The following TANGO6 variants were observed in gnomAD, a reference collection of about 807,000 sequenced individuals.
The protein encoded by TANGO6 is transport and Golgi organization protein 6 homolog.
In TANGO6, 90 loss-of-function variants were observed where a neutral mutation model predicts 114.2. The ratio of observed to expected loss-of-function variants is 0.79; its 90% CI spans 0.66 to 0.94. The LOEUF (loss-of-function observed/expected upper bound fraction) is 0.94, where lower values mean the gene tolerates loss of function less well. Ranked by LOEUF, TANGO6 falls within the 40% of genes least tolerant of loss-of-function variation. TANGO6 has a pLI of 0.00. For synonymous variants in TANGO6, 477 were observed against 509.8 expected, an observed-to-expected ratio of 0.94 and a Z score of 0.87; for missense variants, 1,274 against 1,315.3, an observed-to-expected ratio of 0.97 and a Z score of 0.49.
intron 10 of TANGO6, 135 bp downstream of exon 10, chr16:68,907,710 A>G (rs1233183565): frequency 8.1e-6 from 9 of 1,105,582 alleles, no homozygotes; most frequent in Middle Eastern, 2.5e-4. Flanking sequence ...AGAGGACATA[A>G]AGGAATTTAT....
intron 14 of TANGO6, among the ~76,000 whole-genome samples, chr16:68,964,208 C>T (rs1963621782): frequency 6.6e-6 from 1 of 151,720 alleles, no homozygotes; most frequent in Admixed American, 6.6e-5. Context: ...TGCTAGTTAC[C>T]CTGATCTGAT....
At chr16:69,007,301 GCT>G (rs1338937050) in intron 15 of TANGO6, 2 of 120,074 alleles carry the variant, frequency 1.7e-5, no homozygotes, top group Non-Finnish European at 3.2e-5. Context: ...ACTGAGTTTC[GCT>G]CTGTCACCCA....
intron 11 of TANGO6, among the ~76,000 whole-genome samples, chr16:68,913,221 A>G (rs976390836): frequency 1.3e-4 from 19 of 151,738 alleles, no homozygotes; most frequent in African/African-American, 4.6e-4. Context: ...ATGCACCACC[A>G]TGCCCAGCTA....
At chr16:68,961,196 G>T (rs957280575) in intron 14 of TANGO6, among the ~76,000 whole-genome samples, 6 of 152,198 alleles carry the variant, frequency 3.9e-5, no homozygotes, top group African/African-American at 1.4e-4. Flanking sequence ...TTGGAGTGAG[G>T]CTGACCTTAT....
chr16:68,969,281 T>C (rs1963679941), intron 14 of TANGO6, among the ~76,000 whole-genome samples: 1 of 152,112 alleles, frequency 6.6e-6, no homozygotes, highest in South Asian at 2.1e-4. Context: ...GATGGGCCCA[T>C]GGTCATGTGA....
chr16:68,902,651 A>T, intron 9 of TANGO6, 147 bp downstream of exon 9: 1 of 706,244 alleles, frequency 1.4e-6, no homozygotes, highest in East Asian at 3.0e-5. Context: ...CTCTAAATGA[A>T]ACGTGAGCCT....
chr16:68,919,118 G>A lies in TANGO6; in HGVS notation c.2026G>A (p.Ala676Thr). Residue 676 changes from alanine to threonine, a missense_variant, in exon 12 of 18, where the codon GCC becomes ACC. Ala to Thr is a moderately conservative substitution (Grantham distance 58). Around this residue, in one of 5 missense-constraint regions of TANGO6, gnomAD observed 908 missense variants for 910.2 expected, o/e 1.00. Transcript: ENST00000261778. ...CTTTGTAGCAGCAACATTGCAGAGA[G>A]CCTGTGCAAGCCTGGCCCATCAGGC... is the stretch of plus-strand genomic sequence containing the variant. ...VDFVAATLQR[A>T]CASLAHQAES... 1 of 1,613,188 alleles carries A rather than the reference G, an allele frequency of 6.2e-7. No homozygotes were observed. The highest frequency in any genetic ancestry group is 8.5e-7 in the Non-Finnish European group (1 of 1,179,624).
chr16:68,917,973 G>A (rs997693174), intron 11 of TANGO6, among the ~76,000 whole-genome samples: 2 of 150,006 alleles, frequency 1.3e-5, no homozygotes, highest in Non-Finnish European at 3.0e-5. Flanking sequence ...AGGCTGGAGT[G>A]TAGTGGTGCT....
intron 1 of TANGO6, among the ~76,000 whole-genome samples, chr16:68,851,619 A>T (rs754846140): frequency 1.3e-5 from 2 of 152,216 alleles, no homozygotes; most frequent in African/African-American, 2.4e-5. Flanking sequence ...GAAGTACTGC[A>T]ATGAATAGTC....
intron 5 of TANGO6, 115 bp from the exon 6 acceptor site, chr16:68,878,003 A>G: frequency 1.3e-6 from 1 of 763,904 alleles, no homozygotes; most frequent in Non-Finnish European, 2.0e-6. Flanking sequence ...CTGTTGAATC[A>G]GTGTTATTGA....
chr16:69,001,658 G>T (rs1319644340), intron 15 of TANGO6, among the ~76,000 whole-genome samples: 1 of 152,038 alleles, frequency 6.6e-6, no homozygotes, highest in Non-Finnish European at 1.5e-5. Context: ...AAAAATCAAG[G>T]ATCCCATTTT....
At chr16:68,870,094 A>G (rs1159149832) in intron 4 of TANGO6, among the ~76,000 whole-genome samples, 1 of 152,212 alleles carries the variant, frequency 6.6e-6, no homozygotes, top group African/African-American at 2.4e-5. Context: ...ATTGTGAAGA[A>G]TGGATTGGGT....
rs561970943 is a variant in TANGO6 at position 68,922,499 on chromosome 16, G to A, written c.2127+3280G>A. Reference sequence around the variant, plus strand: ...TGCGGTGAGCGGAGACCATGCCACTGCACTCCAGCCTGGCAACAGAGCAAG... The same window carrying A: ...TGCGGTGAGCGGAGACCATGCCACTACACTCCAGCCTGGCAACAGAGCAAG... On this transcript the variant is annotated intron_variant, in intron 12 of 17. Transcript: ENST00000261778. Among the ~76,000 whole-genome samples, 4 of 151,884 alleles carry A rather than the reference G, an allele frequency of 2.6e-5. No individual in the cohort carries two copies. The East Asian group carries it at 7.8e-4, about 29-fold the overall frequency.
chr16:68,955,278 T>G (rs1334212786), intron 14 of TANGO6, among the ~76,000 whole-genome samples: 2 of 152,230 alleles, frequency 1.3e-5, no homozygotes, highest in African/African-American at 4.8e-5. Context: ...GTTTGCAAAA[T>G]TATTAAGTCA....
At chr16:68,886,720 A>G (rs1179443289) in intron 7 of TANGO6, among the ~76,000 whole-genome samples, 1 of 152,010 alleles carries the variant, frequency 6.6e-6, no homozygotes, top group Non-Finnish European at 1.5e-5. Context: ...CATGTTGACC[A>G]GGCTGGTCTT....
chr16:68,849,059 G>A (rs948415828), intron 1 of TANGO6, among the ~76,000 whole-genome samples: 1 of 152,224 alleles, frequency 6.6e-6, no homozygotes, highest in Non-Finnish European at 1.5e-5. Context: ...TATGGGCCGA[G>A]TGCAGTGGCT....
At chr16:69,057,682 G>C (rs531476176) in intron 17 of TANGO6, among the ~76,000 whole-genome samples, 46 of 152,222 alleles carry the variant, frequency 3.0e-4, no homozygotes, top group Middle Eastern at 3.4e-3. Flanking sequence ...CAGAAACCAT[G>C]AAATCCAAAA....
At chr16:68,912,803 T>C (rs1050580321) in intron 11 of TANGO6, among the ~76,000 whole-genome samples, 2 of 142,380 alleles carry the variant, frequency 1.4e-5, no homozygotes, top group Non-Finnish European at 3.1e-5. Context: ...CGACCAGGTG[T>C]GGTGGCTCAC....
chr16:68,957,729 C>A (rs905606875), intron 14 of TANGO6, among the ~76,000 whole-genome samples: 2 of 151,782 alleles, frequency 1.3e-5, no homozygotes, highest in African/African-American at 4.8e-5. Context: ...GGAATTGTCA[C>A]ATAGAAATTA....
Sources: gnomAD v4.1 joint callset for allele counts (sites outside exome capture counted in the v4.1 genomes callset) on GRCh38, gnomAD v4.1.1 for gene constraint, gnomAD v4.1.1 regional missense constraint, MANE v1.5 for transcripts, NCBI Gene and HGNC (gene_info 2026-07-23, HGNC 2026-07-21) for gene names.